The following EXPH5 variants were observed in gnomAD, a reference collection of about 807,000 sequenced individuals.
The protein encoded by EXPH5 is exophilin-5.
In EXPH5, 42 loss-of-function variants were observed where a neutral mutation model predicts 41.1. The observed-to-expected ratio is 1.02, with a 90% CI of 0.80 to 1.32. EXPH5 has a LOEUF of 1.32. Among genes scored for constraint, EXPH5 ranks in the 40% most tolerant of loss-of-function variants. The probability of loss-of-function intolerance (pLI) is 0.00; values close to 1 mark genes in which losing one functional copy is unlikely to be tolerated. For missense variants in EXPH5, 2,298 were observed against 2,314.5 expected, an observed-to-expected ratio of 0.99 and a Z score of 0.15; for synonymous variants, 798 against 833.5, an observed-to-expected ratio of 0.96 and a Z score of 0.73.
At chr11:108,528,764 A>G (rs933715728) in intron 3 of EXPH5, among the ~76,000 whole-genome samples, 14 of 134,708 alleles carry the variant, frequency 1.0e-4, no homozygotes, top group Admixed American at 1.8e-4. Flanking sequence ...GTGCAGTGGC[A>G]TAATCTCGGC....
chr11:108,532,704 T>C (rs937200089), intron 3 of EXPH5, among the ~76,000 whole-genome samples: 1 of 152,124 alleles, frequency 6.6e-6, no homozygotes, highest in Admixed American at 6.6e-5. Context: ...CCATCCTCTC[T>C]GCCGATGAAA....
chr11:108,570,227 A>ATTTTTATTAT (rs149997980), intron 1 of EXPH5, among the ~76,000 whole-genome samples: 2 of 151,018 alleles, frequency 1.3e-5, no homozygotes, highest in East Asian at 1.9e-4. Flanking sequence ...AGCATTTTTA[A>ATTTTTATTAT]TTTTTATTAT....
chr11:108,571,481 G>T (rs1007396327), intron 1 of EXPH5, among the ~76,000 whole-genome samples: 2 of 152,112 alleles, frequency 1.3e-5, no homozygotes, highest in African/African-American at 2.4e-5. Context: ...TCAGAATTCC[G>T]CCTGCTTTTT....
At position 108,509,988 on chromosome 11, in the gene EXPH5, G is replaced by T. The variant is rs190475331; in HGVS notation, c.5519C>A (p.Ser1840Tyr). Residue 1840 changes from serine (S) to tyrosine (Y), a missense_variant, in exon 6 of 6, where the codon TCT (serine) becomes TAT (tyrosine). Coordinates refer to ENST00000265843, the MANE Select transcript of EXPH5 (RefSeq NM_015065.3). ...LSRLTLGNEF[S>Y]VNNGYSRRFR... Reference sequence around the variant, plus strand: ...TCTTCGACTGTACCCATTGTTGACAGAGAATTCATTCCCAAGGGTCAGTCG... The same window carrying T: ...TCTTCGACTGTACCCATTGTTGACATAGAATTCATTCCCAAGGGTCAGTCG... The T allele has an allele frequency of 1.1e-5, 18 of 1,613,902 alleles. 1 individual carries two copies. In the Admixed American group the frequency reaches 2.8e-4, roughly 25 times the overall value.
chr11:108,594,660 T>G (rs2094136107), upstream of EXPH5, among the ~76,000 whole-genome samples: 1 of 152,208 alleles, frequency 6.6e-6, no homozygotes, highest in African/African-American at 2.4e-5. Flanking sequence ...CAAAAATAAC[T>G]CTGTCAGATT....
At chr11:108,551,025 A>G (rs2093962046) in intron 1 of EXPH5, among the ~76,000 whole-genome samples, 1 of 152,164 alleles carries the variant, frequency 6.6e-6, no homozygotes, top group Admixed American at 6.5e-5. Context: ...AATCATACCA[A>G]TAAAAAATAA....
intron 3 of EXPH5, among the ~76,000 whole-genome samples, chr11:108,529,724 ATC>A (rs2093824597): frequency 6.6e-6 from 1 of 151,988 alleles, no homozygotes; most frequent in Non-Finnish European, 1.5e-5. Flanking sequence ...GGTGCCTGTA[ATC>A]CTAGCTACAA....
chr11:108,607,376 A>G, the EXPH5 span, among the ~76,000 whole-genome samples: 1 of 152,182 alleles, frequency 6.6e-6, no homozygotes, highest in Non-Finnish European at 1.5e-5. Context: ...ATTCATCATA[A>G]TTTTTACTCA....
At chr11:108,576,086 A>G (rs2094078863) in intron 1 of EXPH5, among the ~76,000 whole-genome samples, 2 of 152,224 alleles carry the variant, frequency 1.3e-5, no homozygotes, top group Non-Finnish European at 2.9e-5. Context: ...TATACTCTGG[A>G]GAACTGAGAA....
Position 108,512,453 on chromosome 11 carries a change from A to C in EXPH5, c.3054T>G (p.Ile1018Met). The change falls in exon 6 of 6, where the codon ATT (isoleucine) becomes ATG (methionine). Residue 1018 changes from isoleucine to methionine, a missense_variant. Physicochemically the swap from Ile to Met is conservative, Grantham distance 10 (BLOSUM62 1). Transcript: ENST00000265843. ...SNSKVSELDT[I>M]YCTLPRKSSS... ...TTGATTTTCTTGGCAAGGTACAATA[A>C]ATTGTGTCAAGTTCAGAAACTTTGG... 1 of 1,613,720 alleles carries C rather than the reference A, an allele frequency of 6.2e-7. No homozygotes were observed. Among genetic ancestry groups the C allele is most frequent in the Non-Finnish European group, 8.5e-7 (1 of 1,179,930 alleles).
chr11:108,553,297 G>C (rs2093975825), intron 1 of EXPH5, among the ~76,000 whole-genome samples: 1 of 152,162 alleles, frequency 6.6e-6, no homozygotes, highest in African/African-American at 2.4e-5. Context: ...AGTTATCTAA[G>C]TAACAATAAG....
chr11:108,531,137 C>G (rs777661754), intron 3 of EXPH5, among the ~76,000 whole-genome samples: 2 of 152,170 alleles, frequency 1.3e-5, no homozygotes, highest in Admixed American at 1.3e-4. Context: ...TATATCCCCA[C>G]TTCACCACCT....
rs1047391791 is a variant in EXPH5 at position 108,583,286 on chromosome 11, G to T, written c.119+10132C>A. Among the ~76,000 whole-genome samples, 15 of 151,826 alleles carry T rather than the reference G, an allele frequency of 9.9e-5. 1 individual carries two copies. Among genetic ancestry groups the T allele is most frequent in the Non-Finnish European group, 7.4e-5 (5 of 67,992 alleles). On this transcript the variant is annotated intron_variant, in intron 1 of 5. Transcript: ENST00000265843. ...AGTCCCAAGTATTCGGGAGGCTGAG[G>T]CAGGAGAATGGCGTGAACCCGAGTG...
At chr11:108,574,075 G>GTT (rs1384755703) in intron 1 of EXPH5, among the ~76,000 whole-genome samples, 4 of 144,990 alleles carry the variant, frequency 2.8e-5, no homozygotes, top group African/African-American at 1.1e-4. Context: ...CTAATTTTGT[G>GTT]TGTTTTTTTT....
In EXPH5 at chr11:108,514,721, G is replaced by A. The variant is rs768871970; in HGVS notation, c.786C>T (p.His262=). 2.5e-5 allele frequency: 41 copies of A among 1,609,338 alleles called. No homozygotes were observed. Among genetic ancestry groups the A allele is most frequent in the Non-Finnish European group, 3.2e-5 (38 of 1,178,586 alleles). The change falls in exon 6 of 6, where the codon CAC becomes CAT. Residue 262 remains histidine (H), a synonymous_variant. Coordinates refer to ENST00000265843, the MANE Select transcript of EXPH5 (RefSeq NM_015065.3). Reference sequence around the variant, plus strand: ...TAGACATATTGGAAGTTTCATTATAGTGTTTTTTGTGCCTTTCTGTGATAT... The same window carrying A: ...TAGACATATTGGAAGTTTCATTATAATGTTTTTTGTGCCTTTCTGTGATAT... The part of the protein sequence containing the change: ...HGNITERHKK[H]YNETSNMSIY...
At chr11:108,590,636 T>A (rs79055049) in intron 1 of EXPH5, among the ~76,000 whole-genome samples, 5,350 of 151,388 alleles carry the variant, frequency 0.035, 330 homozygotes, top group African/African-American at 0.12. Flanking sequence ...AGTTCTTTTT[T>A]AAAAAAAAAT....
intron 1 of EXPH5, among the ~76,000 whole-genome samples, chr11:108,592,765 G>C (rs896416498): frequency 1.3e-5 from 2 of 152,204 alleles, no homozygotes; most frequent in Non-Finnish European, 2.9e-5. Flanking sequence ...CCACGCACAA[G>C]AAGACCCACC....
chr11:108,562,567 C>T (rs1031931647), intron 1 of EXPH5, among the ~76,000 whole-genome samples: 12 of 152,050 alleles, frequency 7.9e-5, no homozygotes, highest in African/African-American at 2.9e-4. Context: ...TGAGATCGCA[C>T]CACTGCACTC....
In EXPH5 at chr11:108,568,178, G is replaced by GT. The variant is rs759457373; in HGVS notation, c.119+25239_119+25240insA. Reference sequence around the variant, plus strand: ...AAATAAAGTGTCTTACTTTTTTTGGGAGGGGGGGAGGGCGTCTCAATAATC... The same window carrying GT: ...AAATAAAGTGTCTTACTTTTTTTGGGTAGGGGGGGAGGGCGTCTCAATAATC... On this transcript the variant is annotated intron_variant, in intron 1 of 5. Transcript: ENST00000265843. 2.8e-4 allele frequency: 41 copies of GT among 148,258 alleles called. 1 individual carries two copies. Among genetic ancestry groups the GT allele is most frequent in the African/African-American group, 9.8e-4 (39 of 39,870 alleles). The allele number at this position is 148,258 out of a possible 1,614,324, so 9.2% of individuals were successfully genotyped here.
Sources: gnomAD v4.1 joint callset for allele counts (sites outside exome capture counted in the v4.1 genomes callset) on GRCh38, gnomAD v4.1.1 for gene constraint, MANE v1.5 for transcripts, NCBI Gene and HGNC (gene_info 2026-07-23, HGNC 2026-07-21) for gene names.